HS3ST5: variants seen among roughly 807,000 people sequenced by gnomAD.
HS3ST5 encodes heparan sulfate-glucosamine 3-sulfotransferase 5, also known as heparan sulfate glucosamine 3-O-sulfotransferase 5.
A neutral mutation model predicts 25.4 loss-of-function variants in HS3ST5; 10 were observed. The ratio of observed to expected loss-of-function variants is 0.39; its 90% CI spans 0.24 to 0.67. HS3ST5 has a LOEUF of 0.67. Ranked by LOEUF, HS3ST5 falls within the 30% of genes least tolerant of loss-of-function variation. The probability of loss-of-function intolerance (pLI) is 0.44; values close to 1 mark genes in which losing one functional copy is unlikely to be tolerated. For missense variants in HS3ST5, 324 were observed against 420.7 expected, an observed-to-expected ratio of 0.77 and a Z score of 2.01; for synonymous variants, 170 against 162.4, an observed-to-expected ratio of 1.05 and a Z score of -0.36.
At chr6:114,245,644 A>G (rs568511102) in intron 1 of HS3ST5, among the ~76,000 whole-genome samples, 1 of 152,310 alleles carries the variant, frequency 6.6e-6, no homozygotes, top group South Asian at 2.1e-4. Flanking sequence ...TGTGGAGAGC[A>G]GTAGACTGCT....
Position 114,088,567 on chromosome 6 carries a change from C to T in HS3ST5, c.-32-25690G>A, listed in dbSNP as rs571791744. Among the ~76,000 whole-genome samples the T allele has an allele frequency of 9.9e-5, 15 of 152,154 alleles. 1 individual carries two copies. In the South Asian group the frequency reaches 2.3e-3, roughly 23 times the overall value. ...TATATTTATCTTGTCTCATCTATTA[C>T]GTTATAAGTACTTAGAAGATAGGGA... is the stretch of plus-strand genomic sequence containing the variant. On this transcript the variant is annotated intron_variant, in intron 3 of 4. Transcript: ENST00000312719.
intron 1 of HS3ST5, among the ~76,000 whole-genome samples, chr6:114,332,764 A>T (rs1278036899): frequency 2.0e-5 from 3 of 152,140 alleles, no homozygotes; most frequent in Non-Finnish European, 4.4e-5. Context: ...GGTGAGCTAC[A>T]TAGAAAAGGG....
chr6:114,092,260 T>C (rs767069585), intron 3 of HS3ST5, among the ~76,000 whole-genome samples: 2 of 152,196 alleles, frequency 1.3e-5, no homozygotes, highest in Non-Finnish European at 2.9e-5. Context: ...TTCTTTGTTG[T>C]CTCATCCCCA....
At chr6:114,336,633 TAATTA>T (rs1776624480) in intron 1 of HS3ST5, among the ~76,000 whole-genome samples, 1 of 151,968 alleles carries the variant, frequency 6.6e-6, no homozygotes, top group South Asian at 2.1e-4. Flanking sequence ...AATAATTAAT[TAATTA>T]AATTACTAAG....
At chr6:114,329,070 T>C (rs78211503) in intron 1 of HS3ST5, among the ~76,000 whole-genome samples, 1 of 152,204 alleles carries the variant, frequency 6.6e-6, no homozygotes, top group Non-Finnish European at 1.5e-5. Context: ...TTGTAATAGA[T>C]GATAAATCTA....
chr6:114,061,311 G>A (rs1773102369), intron 4 of HS3ST5, among the ~76,000 whole-genome samples: 1 of 152,180 alleles, frequency 6.6e-6, no homozygotes, highest in Admixed American at 6.5e-5. Flanking sequence ...TAACCATCAA[G>A]TGCTACTTTA....
chr6:114,225,817 G>T (rs1424381294), intron 2 of HS3ST5, among the ~76,000 whole-genome samples: 1 of 151,836 alleles, frequency 6.6e-6, no homozygotes, highest in Non-Finnish European at 1.5e-5. Context: ...TCTTGAAAAT[G>T]AGAAACTTCA....
At chr6:114,289,516 A>G (rs899001600) in intron 1 of HS3ST5, among the ~76,000 whole-genome samples, 18 of 152,242 alleles carry the variant, frequency 1.2e-4, no homozygotes, top group Middle Eastern at 3.4e-3. Context: ...TAATTCACCA[A>G]ATATTCTCAA....
At chr6:114,339,038 A>G (rs1232745174) in intron 1 of HS3ST5, among the ~76,000 whole-genome samples, 1 of 152,128 alleles carries the variant, frequency 6.6e-6, no homozygotes, top group African/African-American at 2.4e-5. Flanking sequence ...CCTGTACTTA[A>G]AATAAACTAT....
chr6:114,214,878 T>C (rs902492882), intron 2 of HS3ST5, among the ~76,000 whole-genome samples: 1 of 152,202 alleles, frequency 6.6e-6, no homozygotes, highest in African/African-American at 2.4e-5. Flanking sequence ...CATGACTTGC[T>C]GTTGGACCTC....
At chr6:114,264,153 G>C (rs1010027131) in intron 1 of HS3ST5, among the ~76,000 whole-genome samples, 3 of 152,088 alleles carry the variant, frequency 2.0e-5, no homozygotes, top group Admixed American at 6.6e-5. Flanking sequence ...TAAATGTAGA[G>C]CCACATTACT....
chr6:114,340,906 C>G (rs1442405086), intron 1 of HS3ST5, among the ~76,000 whole-genome samples: 1 of 152,018 alleles, frequency 6.6e-6, no homozygotes. Flanking sequence ...TTTATTACTT[C>G]TAGCAAATCA....
At chr6:114,232,186 T>C (rs775610554) in intron 1 of HS3ST5, among the ~76,000 whole-genome samples, 1 of 152,166 alleles carries the variant, frequency 6.6e-6, no homozygotes, top group Non-Finnish European at 1.5e-5. Flanking sequence ...CCATTAAACC[T>C]TTCCAGATTC....
intron 3 of HS3ST5, among the ~76,000 whole-genome samples, chr6:114,135,641 TG>T (rs1281076547): frequency 6.6e-6 from 1 of 152,222 alleles, no homozygotes; most frequent in Non-Finnish European, 1.5e-5. Context: ...TTAGGTCAGA[TG>T]TCATCTTTTT....
chr6:114,323,970 G>A (rs1339239656), intron 1 of HS3ST5, among the ~76,000 whole-genome samples: 1 of 152,098 alleles, frequency 6.6e-6, no homozygotes, highest in Non-Finnish European at 1.5e-5. Context: ...GACATTTTGA[G>A]AAGACCCCTG....
chr6:114,083,834 CCTT>C (rs929284938), intron 3 of HS3ST5, among the ~76,000 whole-genome samples: 2 of 152,246 alleles, frequency 1.3e-5, no homozygotes, highest in South Asian at 2.1e-4. Flanking sequence ...GTATGCTAAA[CCTT>C]CTTACACTAG....
At chr6:114,208,299 T>C (rs952860295) in intron 2 of HS3ST5, among the ~76,000 whole-genome samples, 33 of 152,192 alleles carry the variant, frequency 2.2e-4, no homozygotes, top group African/African-American at 7.7e-4. Flanking sequence ...GAGGGCCTAA[T>C]TTTTAAAAAC....
rs60927880 is a variant in HS3ST5, at chr6:114,093,353, T to TTGTG, written c.-32-30480_-32-30477dup. ...CCTTGTATCTTTTTTGTTTGTTTGTTTGTGTGTGTGTGTGTGTGTGTGTGT... is the reference window on the plus strand; with the variant it reads ...CCTTGTATCTTTTTTGTTTGTTTGTTTGTGTGTGTGTGTGTGTGTGTGTGTGTGT... On this transcript the variant is annotated intron_variant, in intron 3 of 4. Coordinates refer to ENST00000312719, the MANE Select transcript of HS3ST5 (RefSeq NM_153612.4). Among the ~76,000 whole-genome samples the TTGTG allele has an allele frequency of 7.2e-3, 961 of 134,282 alleles. 10 individuals are homozygous for TTGTG. Among genetic ancestry groups the TTGTG allele is most frequent in the South Asian group, 8.7e-3 (35 of 4,044 alleles). 88.1% of individuals were successfully genotyped at this position (134,282 alleles called of 152,430 possible). A position where few individuals can be genotyped will look rare whatever the true frequency, so the allele number is the denominator to read the frequency against.
intron 1 of HS3ST5, among the ~76,000 whole-genome samples, chr6:114,249,019 C>T (rs1429390703): frequency 1.3e-5 from 2 of 152,144 alleles, no homozygotes; most frequent in African/African-American, 4.8e-5. Context: ...TGAAGATATC[C>T]GTGATACTTT....
Sources: allele counts gnomAD v4.1 joint callset (sites outside exome capture counted in the v4.1 genomes callset), GRCh38; gene constraint gnomAD v4.1.1; transcripts MANE v1.5; gene names NCBI Gene and HGNC (gene_info 2026-07-23, HGNC 2026-07-21).